Variants in RPS6KC1 observed in about 807,000 individuals in gnomAD.
The protein encoded by RPS6KC1 is ribosomal protein S6 kinase C1.
Under a neutral mutation model 103.8 loss-of-function variants are expected in RPS6KC1, and 54 were observed. The ratio of observed to expected loss-of-function variants is 0.52; its 90% CI spans 0.42 to 0.65. The LOEUF (loss-of-function observed/expected upper bound fraction) is 0.65. RPS6KC1 is among the 30% of genes least tolerant of loss of function. The pLI, the probability that RPS6KC1 is intolerant of heterozygous loss-of-function variation, is 0.00. For synonymous variants in RPS6KC1, 439 were observed against 438.7 expected, an observed-to-expected ratio of 1.00 and a Z score of -0.01; for missense variants, 1,151 against 1,253.8, an observed-to-expected ratio of 0.92 and a Z score of 1.24.
chr1:213,364,425 A>G, the RPS6KC1 span, among the ~76,000 whole-genome samples: 3 of 152,170 alleles, frequency 2.0e-5, no homozygotes, highest in Non-Finnish European at 4.4e-5. Context: ...TTGGTACTTT[A>G]CCCTCTGGGC....
the RPS6KC1 span, among the ~76,000 whole-genome samples, chr1:213,397,588 T>TACACACACACACACACAC: frequency 4.3e-5 from 6 of 140,468 alleles, no homozygotes; most frequent in African/African-American, 8.0e-5. Context: ...CAGGAACACA[T>TACACACACACACACACAC]ACACACACAC....
the RPS6KC1 span, among the ~76,000 whole-genome samples, chr1:213,815,712 T>C: frequency 6.6e-6 from 1 of 152,226 alleles, no homozygotes; most frequent in Non-Finnish European, 1.5e-5. Flanking sequence ...ACTCTAACTT[T>C]CTCGCTATTA....
chr1:213,556,051 C>T, the RPS6KC1 span, among the ~76,000 whole-genome samples: 1 of 152,170 alleles, frequency 6.6e-6, no homozygotes, highest in African/African-American at 2.4e-5. Flanking sequence ...ATTTAAGATG[C>T]TGTGAGAAAA....
At chr1:213,855,462 A>T in the RPS6KC1 span, among the ~76,000 whole-genome samples, 1 of 152,160 alleles carries the variant, frequency 6.6e-6, no homozygotes, top group African/African-American at 2.4e-5. Context: ...AATAGGCTAG[A>T]TGTGCTCCTT....
chr1:213,417,413 AT>A, the RPS6KC1 span, among the ~76,000 whole-genome samples: 1 of 152,208 alleles, frequency 6.6e-6, no homozygotes, highest in Non-Finnish European at 1.5e-5. Context: ...GTTGCTGTAA[AT>A]AATACAATAA....
At chr1:213,375,044 C>T in the RPS6KC1 span, among the ~76,000 whole-genome samples, 4 of 151,826 alleles carry the variant, frequency 2.6e-5, no homozygotes, top group African/African-American at 4.8e-5. Flanking sequence ...CATACACATA[C>T]ATACACACGT....
At chr1:213,254,525 T>G (rs2094600889) in intron 12 of RPS6KC1, among the ~76,000 whole-genome samples, 1 of 152,204 alleles carries the variant, frequency 6.6e-6, no homozygotes, top group African/African-American at 2.4e-5. Context: ...GGAGAAGAAG[T>G]TATGAGAAAG....
At chr1:213,329,812 T>C in the RPS6KC1 span, among the ~76,000 whole-genome samples, 1 of 152,228 alleles carries the variant, frequency 6.6e-6, no homozygotes, top group African/African-American at 2.4e-5. Flanking sequence ...CCTTCTTCTA[T>C]TGGGGTCTCA....
At chr1:213,669,018 T>G in the RPS6KC1 span, among the ~76,000 whole-genome samples, 1 of 152,248 alleles carries the variant, frequency 6.6e-6, no homozygotes, top group African/African-American at 2.4e-5. Flanking sequence ...TGATTTTCTA[T>G]ATAGACCACT....
chr1:213,834,317 G>T, the RPS6KC1 span, among the ~76,000 whole-genome samples: 1 of 152,180 alleles, frequency 6.6e-6, no homozygotes, highest in South Asian at 2.1e-4. Flanking sequence ...GAGCCACTGT[G>T]CCTGGCCATG....
chr1:213,412,288 A>T, the RPS6KC1 span, among the ~76,000 whole-genome samples: 3 of 152,214 alleles, frequency 2.0e-5, no homozygotes, highest in Non-Finnish European at 4.4e-5. Flanking sequence ...ATCCTTCTCT[A>T]TTAGAGAAAG....
chr1:213,565,443 C>T, the RPS6KC1 span, among the ~76,000 whole-genome samples: 2 of 152,168 alleles, frequency 1.3e-5, no homozygotes, highest in Admixed American at 6.5e-5. Flanking sequence ...AAGGGATGAA[C>T]TCCTGGTACG....
chr1:213,413,655 C>T, the RPS6KC1 span, among the ~76,000 whole-genome samples: 4 of 152,180 alleles, frequency 2.6e-5, no homozygotes, highest in African/African-American at 7.2e-5. Context: ...CAGCTGACTT[C>T]CCCCAGAGCA....
At chr1:213,218,774 G>T (rs2093740208) in intron 8 of RPS6KC1, among the ~76,000 whole-genome samples, 2 of 152,162 alleles carry the variant, frequency 1.3e-5, no homozygotes, top group South Asian at 4.1e-4. Flanking sequence ...ACGGGGAAAG[G>T]ATTCCCTATT....
chr1:213,159,850 C>A (rs890512894), intron 6 of RPS6KC1, among the ~76,000 whole-genome samples: 3 of 152,020 alleles, frequency 2.0e-5, no homozygotes, highest in African/African-American at 4.8e-5. Context: ...TGATTTATTC[C>A]CTGTGATTAC....
chr1:213,053,613 A>G (rs1276881494), intron 1 of RPS6KC1, among the ~76,000 whole-genome samples: 1 of 152,230 alleles, frequency 6.6e-6, no homozygotes, highest in Non-Finnish European at 1.5e-5. Context: ...CTGTGGGAAG[A>G]CAGATTGCTT....
chr1:213,687,661 C>T, the RPS6KC1 span, among the ~76,000 whole-genome samples: 8 of 152,150 alleles, frequency 5.3e-5, no homozygotes, highest in Non-Finnish European at 1.0e-4. Context: ...AAGAGGGTCT[C>T]TAGTCTCAAG....
intron 14 of RPS6KC1, among the ~76,000 whole-genome samples, chr1:213,270,140 A>G (rs1274667674): frequency 6.6e-6 from 1 of 152,198 alleles, no homozygotes; most frequent in East Asian, 1.9e-4. Context: ...GACTTACACT[A>G]TCTGATTTCC....
chr1:213,088,219 C>T (rs2080608010), intron 3 of RPS6KC1, among the ~76,000 whole-genome samples: 1 of 152,206 alleles, frequency 6.6e-6, no homozygotes, highest in African/African-American at 2.4e-5. Context: ...TGCAACCCAA[C>T]CACACCTTCT....
Sources: gnomAD v4.1 joint callset for allele counts (sites outside exome capture counted in the v4.1 genomes callset) on GRCh38, gnomAD v4.1.1 for gene constraint, MANE v1.5 for transcripts, NCBI Gene and HGNC (gene_info 2026-07-23, HGNC 2026-07-21) for gene names.